Variants in GRIK4 observed in about 807,000 individuals in gnomAD.
The protein encoded by GRIK4 is glutamate receptor ionotropic, kainate 4.
A neutral mutation model predicts 104.9 loss-of-function variants in GRIK4; 40 were observed. The observed-to-expected ratio is 0.38, with a 90% CI of 0.30 to 0.50. GRIK4 has a LOEUF of 0.50. Among genes scored for constraint, GRIK4 ranks in the 20% least tolerant of loss-of-function variants. GRIK4 has a pLI of 0.93. For synonymous variants in GRIK4, 485 were observed against 524.9 expected, an observed-to-expected ratio of 0.92 and a Z score of 1.04; for missense variants, 1,047 against 1,308.1, an observed-to-expected ratio of 0.80 and a Z score of 3.08.
At position 120,974,130 on chromosome 11, in the gene GRIK4, A is replaced by G. The variant is rs888083823; in HGVS notation, c.2395+6807A>G. 3.3e-5 allele frequency among the ~76,000 whole-genome samples: 5 copies of G among 151,864 alleles called. No homozygotes were observed. In the South Asian group the frequency reaches 1.0e-3, roughly 32 times the overall value. On this transcript the variant is annotated intron_variant, in intron 19 of 20. Transcript: ENST00000527524. ...ACCATGTTGGCCAGGCTGGTCTCGA[A>G]CTCCTGACCTCAAGTGATCTGCCCC...
chr11:120,784,204 G>A (rs1398602902), intron 3 of GRIK4, among the ~76,000 whole-genome samples: 1 of 152,174 alleles, frequency 6.6e-6, no homozygotes, highest in Admixed American at 6.5e-5. Context: ...CCCATTGTGG[G>A]GCCCTAGCTT....
At chr11:120,882,755 T>G (rs1476488341) in intron 11 of GRIK4, among the ~76,000 whole-genome samples, 1 of 152,164 alleles carries the variant, frequency 6.6e-6, no homozygotes, top group East Asian at 1.9e-4. Flanking sequence ...ATTCCTGGGC[T>G]TAAAACCCCT....
chr11:120,684,714 T>G (rs566822858), intron 3 of GRIK4, among the ~76,000 whole-genome samples: 16 of 137,770 alleles, frequency 1.2e-4, no homozygotes, highest in African/African-American at 4.3e-4. Flanking sequence ...TAAATAAAGA[T>G]GCTTTTTTTT....
intron 1 of GRIK4, among the ~76,000 whole-genome samples, chr11:120,595,813 A>C: frequency 6.6e-6 from 1 of 152,178 alleles, no homozygotes. Context: ...AGCACCTCCC[A>C]GTCTGCACTG....
At chr11:120,818,509 T>G (rs1005670721) in intron 5 of GRIK4, among the ~76,000 whole-genome samples, 4 of 152,336 alleles carry the variant, frequency 2.6e-5, no homozygotes, top group Non-Finnish European at 5.9e-5. Flanking sequence ...GTGGAAAATA[T>G]TGGTTGCCCT....
intron 1 of GRIK4, among the ~76,000 whole-genome samples, chr11:120,589,822 A>G (rs1948713591): frequency 6.6e-6 from 1 of 152,192 alleles, no homozygotes; most frequent in African/African-American, 2.4e-5. Flanking sequence ...AAAAGGCCAG[A>G]GGGACACACA....
chr11:120,770,797 A>G (rs1231146418), intron 3 of GRIK4, among the ~76,000 whole-genome samples: 2 of 152,184 alleles, frequency 1.3e-5, no homozygotes, highest in South Asian at 2.1e-4. Context: ...TTCGTATCCT[A>G]TAAAGCAAGT....
At chr11:120,682,935 G>A (rs563803568) in intron 3 of GRIK4, among the ~76,000 whole-genome samples, 55 of 152,030 alleles carry the variant, frequency 3.6e-4, no homozygotes, top group African/African-American at 1.2e-3. Flanking sequence ...ATGCTTACTC[G>A]TTCTCTAAAA....
chr11:120,789,265 T>C (rs1952349241), intron 3 of GRIK4, among the ~76,000 whole-genome samples: 1 of 152,170 alleles, frequency 6.6e-6, no homozygotes, highest in Non-Finnish European at 1.5e-5. Context: ...AAAATCATTA[T>C]CTTTGCCCTT....
At chr11:120,800,312 G>T (rs1221986104) in intron 3 of GRIK4, among the ~76,000 whole-genome samples, 2 of 152,188 alleles carry the variant, frequency 1.3e-5, no homozygotes, top group Non-Finnish European at 2.9e-5. Flanking sequence ...GGAGCCCAGG[G>T]GCCTGCCAGG....
chr11:120,827,647 C>T (rs1953303227), intron 6 of GRIK4, among the ~76,000 whole-genome samples: 1 of 152,226 alleles, frequency 6.6e-6, no homozygotes, highest in African/African-American at 2.4e-5. Context: ...TTAATACTCT[C>T]AATGTAACTA....
chr11:120,840,674 G>A (rs745440507), intron 8 of GRIK4, among the ~76,000 whole-genome samples: 3 of 152,156 alleles, frequency 2.0e-5, no homozygotes, highest in Non-Finnish European at 4.4e-5. Flanking sequence ...CAAATTAAGA[G>A]AAATAAAATT....
chr11:120,534,592 C>G (rs1382438364), intron 1 of GRIK4, among the ~76,000 whole-genome samples: 1 of 152,096 alleles, frequency 6.6e-6, no homozygotes, highest in African/African-American at 2.4e-5. Context: ...CTCAGAAACC[C>G]AGGTAGAATG....
chr11:120,751,947 G>C (rs3132782), intron 3 of GRIK4, among the ~76,000 whole-genome samples: 1 of 152,104 alleles, frequency 6.6e-6, no homozygotes, highest in Non-Finnish European at 1.5e-5. Context: ...TTGCGGCTGG[G>C]GGGTGGGGAG....
intron 1 of GRIK4, among the ~76,000 whole-genome samples, chr11:120,644,175 C>T (rs563320592): frequency 6.6e-6 from 1 of 152,006 alleles, no homozygotes; most frequent in South Asian, 2.1e-4. Context: ...GACAAGGATA[C>T]TGTATTTTTT....
At chr11:120,642,995 C>T (rs78129562) in intron 1 of GRIK4, among the ~76,000 whole-genome samples, 6,737 of 152,206 alleles carry the variant, frequency 0.044, 471 homozygotes, top group African/African-American at 0.15. Flanking sequence ...AGTGTTTAAT[C>T]TTAACACCGT....
At chr11:120,681,045 A>G (rs1425635862) in intron 3 of GRIK4, among the ~76,000 whole-genome samples, 1 of 152,130 alleles carries the variant, frequency 6.6e-6, no homozygotes, top group Non-Finnish European at 1.5e-5. Flanking sequence ...CCACCCCACA[A>G]ACAGAGTGGG....
intron 3 of GRIK4, among the ~76,000 whole-genome samples, chr11:120,699,232 C>G (rs1432162864): frequency 2.0e-5 from 3 of 152,108 alleles, no homozygotes; most frequent in Non-Finnish European, 4.4e-5. Flanking sequence ...CTCGCGGTCC[C>G]AGCACTACTC....
intron 1 of GRIK4, among the ~76,000 whole-genome samples, chr11:120,562,407 GCTAA>G (rs1402997218): frequency 3.3e-5 from 5 of 152,218 alleles, no homozygotes; most frequent in Admixed American, 1.3e-4. Context: ...TATTTGGGAG[GCTAA>G]CTTAGTCTCA....
Sources: allele counts gnomAD v4.1 joint callset (sites outside exome capture counted in the v4.1 genomes callset), GRCh38; gene constraint gnomAD v4.1.1; transcripts MANE v1.5; gene names NCBI Gene and HGNC (gene_info 2026-07-23, HGNC 2026-07-21).